SRSF4: variants seen among roughly 807,000 people sequenced by gnomAD.
SRSF4 encodes serine/arginine-rich splicing factor 4.
In SRSF4, 12 loss-of-function variants were observed where a neutral mutation model predicts 48.8. The observed-to-expected ratio is 0.25, with a 90% CI of 0.16 to 0.40. SRSF4 has a LOEUF of 0.40. SRSF4 is among the 10% of genes least tolerant of loss of function. The probability of loss-of-function intolerance (pLI) is 1.00; values close to 1 mark genes in which losing one functional copy is unlikely to be tolerated. For synonymous variants in SRSF4, 248 were observed against 232.5 expected (o/e 1.07, Z -0.61); for missense variants, 466 against 667.1 (o/e 0.70, Z 3.32).
rs1180204416 is a variant in SRSF4 at position 29,149,205 on chromosome 1, G to A, written c.690C>T (p.Ser230=). Residue 230 remains serine (S), a synonymous_variant, in exon 6 of 6, where the codon AGC becomes AGT. Coordinates refer to ENST00000373795, the MANE Select transcript of SRSF4 (RefSeq NM_005626.5). ...GACTCTGGCTCCGGCTCCGGCTCTTGCTCCGGGAGCGGGAGCCCGACCTGA... is the reference window on the plus strand; with the variant it reads ...GACTCTGGCTCCGGCTCCGGCTCTTACTCCGGGAGCGGGAGCCCGACCTGA... ...SRSRSGSRSR[S]KSRSRSQSRS... is the part of the protein sequence containing the mutation. The A allele has an allele frequency of 5.0e-6, 8 of 1,608,732 alleles. No homozygotes were observed. The East Asian group carries it at 1.3e-4, about 27-fold the overall frequency.
intron 1 of SRSF4, among the ~76,000 whole-genome samples, chr1:29,181,025 A>G (rs1030263948): frequency 1.3e-5 from 2 of 152,192 alleles, no homozygotes; most frequent in African/African-American, 4.8e-5. Flanking sequence ...AGAAGTTAAG[A>G]CTTTAATTTA....
At chr1:29,162,250 TAAG>T (rs1406990993) in intron 1 of SRSF4, among the ~76,000 whole-genome samples, 7 of 152,328 alleles carry the variant, frequency 4.6e-5, no homozygotes, top group South Asian at 2.1e-4. Flanking sequence ...AGCAGCTTAA[TAAG>T]AAGGATTTTG....
At chr1:29,174,712 T>TC (rs1462357375) in intron 1 of SRSF4, among the ~76,000 whole-genome samples, 2 of 138,456 alleles carry the variant, frequency 1.4e-5, no homozygotes, top group Non-Finnish European at 3.1e-5. Context: ...TCTTGCTCCA[T>TC]CACCAGGCTG....
Position 29,148,959 on chromosome 1 carries a change from C to G in SRSF4, c.936G>C (p.Glu312Asp). ...SRSQERRVEE[E>D]KRGSVSRGRS... is the part of the protein sequence containing the mutation. The stretch of plus-strand genomic sequence containing the variant: ...TGCCCCTGCTCACACTCCCTCGCTT[C>G]TCCTCCTCCACTCTCCTCTCCTGAC... Residue 312 changes from glutamate (E) to aspartate (D), a missense_variant, in exon 6 of 6, where the codon GAG (glutamate) becomes GAC (aspartate). Physicochemically the swap from Glu to Asp is conservative, Grantham distance 45. Transcript: ENST00000373795. 6.2e-7 allele frequency: 1 copy of G among 1,612,498 alleles called. No homozygotes were observed.
rs1245895125 is a variant in SRSF4, at chr1:29,147,823, AT to A, written c.*586del. ...ACTTTGCAAGACGGGGAAAAATAAA[AT>A]TAAAAAAAATTCTTTTCTTTTCTTT... is the stretch of plus-strand genomic sequence containing the variant. On this transcript the variant is annotated 3_prime_UTR_variant, in exon 6 of 6. Coordinates refer to ENST00000373795, the MANE Select transcript of SRSF4 (RefSeq NM_005626.5). 5.5e-6 allele frequency: 1 copy of A among 181,090 alleles called. No individual in the cohort carries two copies. Among genetic ancestry groups the A allele is most frequent in the Non-Finnish European group, 1.2e-5 (1 of 83,874 alleles). 11.2% of individuals were successfully genotyped at this position (181,090 alleles called of 1,614,324 possible).
intron 1 of SRSF4, chr1:29,166,610 T>A (rs1390424503): frequency 1.3e-5 from 2 of 152,226 alleles, no homozygotes; most frequent in East Asian, 3.8e-4. Flanking sequence ...ATGAAATGGG[T>A]TCCTGAGATC....
chr1:29,151,308 A>C (rs1672404750), intron 4 of SRSF4, among the ~76,000 whole-genome samples: 1 of 152,240 alleles, frequency 6.6e-6, no homozygotes, highest in Non-Finnish European at 1.5e-5. Flanking sequence ...AAGAAGAAAC[A>C]GATAAATACA....
intron 1 of SRSF4, among the ~76,000 whole-genome samples, chr1:29,175,558 G>T (rs562597804): frequency 2.9e-4 from 44 of 149,798 alleles, no homozygotes; most frequent in African/African-American, 8.1e-4. Flanking sequence ...AGCCGGGAGC[G>T]GTGGCGGGCT....
In SRSF4 at chr1:29,148,501, G is replaced by A. The variant is rs1451030641; in HGVS notation, c.1394C>T (p.Ala465Val). The A allele has an allele frequency of 1.2e-6, 2 of 1,614,100 alleles. No individual in the cohort carries two copies. The highest frequency in any genetic ancestry group is 2.2e-5 in the South Asian group (2 of 91,080). Residue 465 changes from alanine to valine, a missense_variant, in exon 6 of 6, where the codon GCT becomes GTT. Coordinates refer to ENST00000373795, the MANE Select transcript of SRSF4 (RefSeq NM_005626.5). ...CTTGGACCGAGATCGGGTTTTTGAA[G>A]CTGACTTTGATCTGGAGCGTGATTC... ...PSESRSRSKS[A>V]SKTRSRSKSR...
intron 3 of SRSF4, among the ~76,000 whole-genome samples, chr1:29,157,990 T>G (rs779296716): frequency 1.3e-5 from 2 of 152,070 alleles, no homozygotes; most frequent in African/African-American, 2.4e-5. Flanking sequence ...CTGGTCAACA[T>G]GGTGAAACCC....
chr1:29,172,668 T>C (rs1414701741), intron 1 of SRSF4: 2 of 152,186 alleles, frequency 1.3e-5, no homozygotes, highest in African/African-American at 4.8e-5. Context: ...GGGTGTTAAG[T>C]GTAACTGGTG....
rs577474569 is a variant in SRSF4 at position 29,148,573 on chromosome 1, C to A, written c.1322G>T (p.Arg441Leu). 3 of 1,613,904 alleles carry A rather than the reference C, an allele frequency of 1.9e-6. No individual in the cohort carries two copies. The highest frequency in any genetic ancestry group is 2.5e-6 in the Non-Finnish European group (3 of 1,179,972). ...TTTGGAATTGGATCTCGACCTGGAC[C>A]GGGTCTCCTGATTGGTGCCAGCATT... ...SENAGTNQET[R>L]SRSRSNSKSK... is the part of the protein sequence containing the mutation. Residue 441 changes from arginine to leucine, a missense_variant, in exon 6 of 6, where the codon CGG becomes CTG. This residue lies in a region of SRSF4 where 402 missense variants were observed against 437.0 expected (regional missense o/e 0.92). Coordinates refer to ENST00000373795, the MANE Select transcript of SRSF4 (RefSeq NM_005626.5).
At chr1:29,157,927 T>G (rs561039362) in intron 3 of SRSF4, among the ~76,000 whole-genome samples, 1 of 152,270 alleles carries the variant, frequency 6.6e-6, no homozygotes, top group Admixed American at 6.5e-5. Context: ...CCCAGCACTT[T>G]AGGAGGCCAA....
chr1:29,173,867 A>G (rs1482675706), intron 1 of SRSF4, among the ~76,000 whole-genome samples: 2 of 152,010 alleles, frequency 1.3e-5, no homozygotes, highest in Non-Finnish European at 2.9e-5. Context: ...TAGTTTAAAA[A>G]ATTATAATAA....
chr1:29,153,690 C>A (rs1367920165), intron 4 of SRSF4, among the ~76,000 whole-genome samples: 1 of 150,116 alleles, frequency 6.7e-6, no homozygotes, highest in Admixed American at 6.6e-5. Context: ...CCTCCGCCTC[C>A]CAGGTTCAAG....
At chr1:29,163,750 A>C (rs1013244862) in intron 1 of SRSF4, among the ~76,000 whole-genome samples, 16 of 152,210 alleles carry the variant, frequency 1.1e-4, no homozygotes, top group Non-Finnish European at 1.8e-4. Context: ...CAGAATATTA[A>C]ATAACTTGCA....
At chr1:29,166,760 G>A (rs1187296094) in intron 1 of SRSF4, 1 of 152,258 alleles carries the variant, frequency 6.6e-6, no homozygotes. Flanking sequence ...GCTGGGGTGC[G>A]ACTTCAGGGC....
chr1:29,152,489 T>TA (rs1453522172), intron 4 of SRSF4, among the ~76,000 whole-genome samples: 16 of 152,344 alleles, frequency 1.1e-4, no homozygotes, highest in African/African-American at 3.1e-4. Context: ...TCTGGCCTAA[T>TA]GGTCAGTATA....
chr1:29,155,898 A>G (rs1025811298), intron 3 of SRSF4, among the ~76,000 whole-genome samples: 2 of 152,202 alleles, frequency 1.3e-5, no homozygotes, highest in Admixed American at 6.5e-5. Flanking sequence ...CTATGGTTCA[A>G]TGAGAGAATA....
Sources: allele counts gnomAD v4.1 joint callset (sites outside exome capture counted in the v4.1 genomes callset), GRCh38; gene constraint gnomAD v4.1.1; regional missense constraint gnomAD v4.1.1; transcripts MANE v1.5; gene names NCBI Gene and HGNC (gene_info 2026-07-23, HGNC 2026-07-21).